Variants in EML4 observed in about 807,000 individuals in gnomAD.
EML4 encodes the protein EMAP like 4, also known as echinoderm microtubule-associated protein-like 4.
Under a neutral mutation model 129.0 loss-of-function variants are expected in EML4, and 72 were observed. That is an observed-to-expected ratio of 0.56 (90% CI 0.46 to 0.68). The LOEUF (loss-of-function observed/expected upper bound fraction) is 0.68, where lower values mean the gene tolerates loss of function less well. Among genes scored for constraint, EML4 ranks in the 30% least tolerant of loss-of-function variants. The pLI is 0.00. For missense variants in EML4, 1,363 were observed against 1,190.6 expected (o/e 1.14, Z -2.13); for synonymous variants, 532 against 405.0 (o/e 1.31, Z -3.77).
chr2:42,175,621 C>T (rs931654690), intron 1 of EML4, among the ~76,000 whole-genome samples: 1 of 152,008 alleles, frequency 6.6e-6, no homozygotes, highest in African/African-American at 2.4e-5. Flanking sequence ...GCCTCAGCCT[C>T]CCGAGTAGCT....
intron 11 of EML4, among the ~76,000 whole-genome samples, chr2:42,294,443 C>T (rs528628970): frequency 6.6e-6 from 1 of 152,320 alleles, no homozygotes; most frequent in Admixed American, 6.5e-5. Flanking sequence ...TGCCTGTAAT[C>T]CCAGCCCTTT....
intron 6 of EML4, among the ~76,000 whole-genome samples, chr2:42,278,438 A>T (rs1338987379): frequency 6.6e-6 from 1 of 151,966 alleles, no homozygotes; most frequent in Non-Finnish European, 1.5e-5. Flanking sequence ...GCCAGTTGTG[A>T]TGGTGCATGC....
At chr2:42,230,163 T>C (rs1674240857) in intron 1 of EML4, among the ~76,000 whole-genome samples, 1 of 152,218 alleles carries the variant, frequency 6.6e-6, no homozygotes, top group African/African-American at 2.4e-5. Flanking sequence ...CTGTCTTTGC[T>C]GCTTATTCTG....
chr2:42,279,361 A>G lies in EML4; in HGVS notation c.668-1489A>G, dbSNP rs529908840. 3.3e-5 allele frequency among the ~76,000 whole-genome samples: 5 copies of G among 152,200 alleles called. No individual in the cohort carries two copies. In the South Asian group the frequency reaches 1.0e-3, roughly 32 times the overall value. On this transcript the variant is annotated intron_variant, in intron 6 of 22. Transcript: ENST00000318522. ...TAGTTGTGTTTTTAACTTTTTGAGGAACCTTCATCCTGCTTTCCATAGCGA... is the reference window on the plus strand; with the variant it reads ...TAGTTGTGTTTTTAACTTTTTGAGGGACCTTCATCCTGCTTTCCATAGCGA...
intron 1 of EML4, among the ~76,000 whole-genome samples, chr2:42,243,687 G>T (rs962426077): frequency 6.6e-6 from 1 of 152,188 alleles, no homozygotes; most frequent in Non-Finnish European, 1.5e-5. Flanking sequence ...TGAAATACCA[G>T]TAAAGACAGA....
At chr2:42,261,487 G>C in intron 4 of EML4, 193 bp downstream of exon 4, 2 of 241,700 alleles carry the variant, frequency 8.3e-6, no homozygotes, top group Non-Finnish European at 1.5e-5. Context: ...CAATTTCTCA[G>C]TTAAAACTGG....
At chr2:42,194,347 C>CTTTT (rs34026132) in intron 1 of EML4, among the ~76,000 whole-genome samples, 53 of 126,792 alleles carry the variant, frequency 4.2e-4, no homozygotes, top group East Asian at 1.4e-3. Flanking sequence ...CTCTCTCTCT[C>CTTTT]TTTTTTTTTT....
intron 1 of EML4, among the ~76,000 whole-genome samples, chr2:42,175,465 A>G (rs112866460): frequency 0.013 from 1,926 of 150,888 alleles, 39 homozygotes; most frequent in African/African-American, 0.045. Context: ...CTTTTTTTGT[A>G]TGGTTGGGAG....
intron 1 of EML4, among the ~76,000 whole-genome samples, chr2:42,243,033 C>T (rs1244247356): frequency 6.6e-6 from 1 of 152,102 alleles, no homozygotes. Flanking sequence ...CCACCTTGGC[C>T]TCCCTAAGTG....
chr2:42,176,413 C>T (rs1194333432), intron 1 of EML4, among the ~76,000 whole-genome samples: 2 of 152,228 alleles, frequency 1.3e-5, no homozygotes, highest in African/African-American at 2.4e-5. Flanking sequence ...TTCACCCTCT[C>T]AGATTGCTTC....
chr2:42,327,467 G>C (rs79951727), intron 21 of EML4, among the ~76,000 whole-genome samples: 1,635 of 152,324 alleles, frequency 0.011, 25 homozygotes, highest in African/African-American at 0.037. Flanking sequence ...AGCAGTGTAC[G>C]AGGGTTCTGG....
At chr2:42,287,592 A>C (rs923722690) in intron 10 of EML4, among the ~76,000 whole-genome samples, 1 of 152,210 alleles carries the variant, frequency 6.6e-6, no homozygotes, top group Non-Finnish European at 1.5e-5. Context: ...ACTATTTTTA[A>C]AAAGCATTTA....
At chr2:42,303,005 A>G in intron 14 of EML4, 99 bp from the exon 15 acceptor site, 1 of 1,270,616 alleles carries the variant, frequency 7.9e-7, no homozygotes, top group Non-Finnish European at 1.1e-6. Flanking sequence ...GGCTTTCGTC[A>G]TAATTACCTC....
intron 1 of EML4, chr2:42,207,855 G>C (rs1022671636): frequency 6.6e-6 from 1 of 152,130 alleles, no homozygotes; most frequent in African/African-American, 2.4e-5. Flanking sequence ...TAATTGTTCT[G>C]TGTTTTAGAC....
chr2:42,279,326 C>G (rs993551286), intron 6 of EML4, among the ~76,000 whole-genome samples: 2 of 152,140 alleles, frequency 1.3e-5, no homozygotes, highest in African/African-American at 4.8e-5. Context: ...GGGATTGCAG[C>G]ATCATATGGT....
At chr2:42,181,159 T>C (rs1047352754) in intron 1 of EML4, among the ~76,000 whole-genome samples, 3 of 152,268 alleles carry the variant, frequency 2.0e-5, no homozygotes, top group African/African-American at 4.8e-5. Context: ...ATTATTTTTC[T>C]TGTTTTACTT....
chr2:42,204,775 T>A (rs950215898), intron 1 of EML4, among the ~76,000 whole-genome samples: 3 of 152,212 alleles, frequency 2.0e-5, no homozygotes, highest in African/African-American at 4.8e-5. Context: ...GGATGATTCT[T>A]CTAACAGTTT....
intron 1 of EML4, among the ~76,000 whole-genome samples, chr2:42,202,484 T>G (rs1459243105): frequency 1.3e-5 from 2 of 152,134 alleles, no homozygotes; most frequent in African/African-American, 4.8e-5. Flanking sequence ...GGGAGTTTAT[T>G]AAGGAATATT....
intron 11 of EML4, chr2:42,288,833 C>T (rs1465966026): frequency 2.0e-5 from 3 of 152,138 alleles, no homozygotes; most frequent in African/African-American, 7.2e-5. Context: ...GGGTTGATCT[C>T]TGTGTAGATC....
Sources: allele counts gnomAD v4.1 joint callset (sites outside exome capture counted in the v4.1 genomes callset), GRCh38; gene constraint gnomAD v4.1.1; transcripts MANE v1.5; gene names NCBI Gene and HGNC (gene_info 2026-07-23, HGNC 2026-07-21).